The following NRF1 variants were observed in gnomAD, a reference collection of about 807,000 sequenced individuals.
NRF1 encodes the protein alpha palindromic-binding protein.
A neutral mutation model predicts 58.5 loss-of-function variants in NRF1; 5 were observed. The observed-to-expected ratio is 0.09, with a 90% CI of 0.04 to 0.18. The LOEUF (loss-of-function observed/expected upper bound fraction) is 0.18. Among genes scored for constraint, NRF1 ranks in the 10% least tolerant of loss-of-function variants. The pLI, the probability that NRF1 is intolerant of heterozygous loss-of-function variation, is 1.00. For synonymous variants in NRF1, 224 were observed against 246.7 expected (o/e 0.91, Z 0.86); for missense variants, 288 against 657.7 (o/e 0.44, Z 6.15).
At chr7:129,712,759 T>A (rs1206575100) in intron 8 of NRF1, among the ~76,000 whole-genome samples, 1 of 152,186 alleles carries the variant, frequency 6.6e-6, no homozygotes, top group Non-Finnish European at 1.5e-5. Context: ...ACTGAAAAAC[T>A]TGGTTATTGG....
rs180749236 is a variant in NRF1 at position 129,661,740 on chromosome 7, G to T, written c.223+4166G>T. Among the ~76,000 whole-genome samples the T allele has an allele frequency of 2.0e-3, 301 of 150,830 alleles. 6 individuals carry two copies. The highest frequency in any genetic ancestry group is 0.01 in the Admixed American group (157 of 15,246). ...GTTCCAAACTTTCCTACATTTTCCCGTCTTCTTTTGAGCCCTCCAAACTGT... is the reference window on the plus strand; with the variant it reads ...GTTCCAAACTTTCCTACATTTTCCCTTCTTCTTTTGAGCCCTCCAAACTGT... On this transcript the variant is annotated intron_variant, in intron 2 of 10. Transcript: ENST00000393232.
chr7:129,686,294 A>G (rs925678207), intron 4 of NRF1, among the ~76,000 whole-genome samples: 1 of 152,150 alleles, frequency 6.6e-6, no homozygotes, highest in African/African-American at 2.4e-5. Flanking sequence ...TTAGGCAGGC[A>G]CAACTTTATC....
chr7:129,637,294 G>A (rs1801188198), intron 1 of NRF1, among the ~76,000 whole-genome samples: 2 of 151,546 alleles, frequency 1.3e-5, no homozygotes, highest in Non-Finnish European at 2.9e-5. Flanking sequence ...GGAAACCCCT[G>A]CAAAAAAGCA....
At chr7:129,631,632 C>G (rs940224741) in intron 1 of NRF1, among the ~76,000 whole-genome samples, 7 of 152,148 alleles carry the variant, frequency 4.6e-5, no homozygotes, top group Non-Finnish European at 8.8e-5. Flanking sequence ...CTGGTTTTAT[C>G]ATAGCATATT....
At chr7:129,644,683 A>G (rs1404668110) in intron 1 of NRF1, among the ~76,000 whole-genome samples, 1 of 152,230 alleles carries the variant, frequency 6.6e-6, no homozygotes, top group Admixed American at 6.5e-5. Context: ...GACAGTGCTA[A>G]TCCAGAACCT....
At chr7:129,677,525 A>C (rs2151086391) in intron 3 of NRF1, 107 bp from the exon 4 acceptor site, 2 of 988,484 alleles carry the variant, frequency 2.0e-6, no homozygotes, top group Non-Finnish European at 3.0e-6. Flanking sequence ...ATTTTACGTA[A>C]AAGAGCATAT....
intron 1 of NRF1, among the ~76,000 whole-genome samples, chr7:129,640,468 C>T (rs1171602019): frequency 6.6e-6 from 1 of 152,026 alleles, no homozygotes; most frequent in Non-Finnish European, 1.5e-5. Context: ...CATGATTGCA[C>T]CACTGCACTC....
intron 1 of NRF1, among the ~76,000 whole-genome samples, chr7:129,652,733 G>A (rs1801565352): frequency 6.6e-6 from 1 of 152,144 alleles, no homozygotes; most frequent in Non-Finnish European, 1.5e-5. Flanking sequence ...TGGGACTGCA[G>A]GCGCCCGCCA....
At chr7:129,733,955 C>G (rs912698773) in intron 10 of NRF1, among the ~76,000 whole-genome samples, 2 of 151,460 alleles carry the variant, frequency 1.3e-5, no homozygotes, top group Non-Finnish European at 2.9e-5. Flanking sequence ...CCCAGGAGGT[C>G]GAGGCTGCAG....
At chr7:129,687,331 A>ATGGTGCAAATCTCAGCTCAC (rs1562970707) in intron 4 of NRF1, among the ~76,000 whole-genome samples, 1 of 151,270 alleles carries the variant, frequency 6.6e-6, no homozygotes, top group African/African-American at 2.4e-5. Flanking sequence ...CTGGAGTACA[A>ATGGTGCAAATCTCAGCTCAC]TGGTGCAAAT....
At position 129,711,590 on chromosome 7, in the gene NRF1, T is replaced by G. The variant is rs1463148981; in HGVS notation, c.1065+14T>G. 1.9e-6 allele frequency: 3 copies of G among 1,585,762 alleles called. No individual in the cohort carries two copies. The South Asian group carries it at 3.4e-5, about 18-fold the overall frequency. On this transcript the variant is annotated intron_variant, in intron 8 of 10. Transcript: ENST00000393232. The stretch of plus-strand genomic sequence containing the variant: ...GCTGATGGAGAGGTAAGAAAGAGAT[T>G]CCATCTGCATCTTCTTAAATACTTG...
chr7:129,678,240 T>G (rs1418921635), intron 4 of NRF1, among the ~76,000 whole-genome samples: 1 of 152,226 alleles, frequency 6.6e-6, no homozygotes, highest in Non-Finnish European at 1.5e-5. Context: ...TTGAACATTT[T>G]GATTGTATAA....
At chr7:129,737,579 T>G (rs1336599287) in intron 10 of NRF1, among the ~76,000 whole-genome samples, 1 of 117,350 alleles carries the variant, frequency 8.5e-6, no homozygotes, top group Non-Finnish European at 2.1e-5. Flanking sequence ...TTCCACCTTT[T>G]TCTGTGTTCC....
intron 5 of NRF1, among the ~76,000 whole-genome samples, chr7:129,701,166 G>C (rs528685651): frequency 1.3e-5 from 2 of 152,020 alleles, no homozygotes; most frequent in South Asian, 4.1e-4. Flanking sequence ...AAGATAATTA[G>C]AAAAATAAGC....
intron 1 of NRF1, among the ~76,000 whole-genome samples, chr7:129,615,414 T>G (rs1007423554): frequency 7.0e-5 from 2 of 28,610 alleles, no homozygotes; most frequent in African/African-American, 2.6e-4. Flanking sequence ...TTTAGATGTT[T>G]GTGTGTGACT....
At chr7:129,702,616 A>C (rs141781856) in intron 5 of NRF1, among the ~76,000 whole-genome samples, 48 of 152,332 alleles carry the variant, frequency 3.2e-4, no homozygotes, top group African/African-American at 1.2e-3. Flanking sequence ...TATCCATTCA[A>C]ATAAAATTGG....
chr7:129,711,333 G>T, intron 7 of NRF1, 142 bp from the exon 8 acceptor site: 1 of 584,080 alleles, frequency 1.7e-6, no homozygotes. Context: ...ATTTTAGTGA[G>T]CTATGATTTT....
intron 10 of NRF1, among the ~76,000 whole-genome samples, chr7:129,752,698 T>G (rs28623057): frequency 6.6e-6 from 1 of 151,736 alleles, no homozygotes; most frequent in Non-Finnish European, 1.5e-5. Flanking sequence ...TTTAAAAAAA[T>G]AAAAAATAAA....
chr7:129,625,338 A>G (rs189327476), intron 1 of NRF1, among the ~76,000 whole-genome samples: 23 of 152,314 alleles, frequency 1.5e-4, no homozygotes, highest in Middle Eastern at 3.4e-3. Context: ...ACAGGTGCCA[A>G]TGGTAAGCAT....
Sources: gnomAD v4.1 joint callset for allele counts (sites outside exome capture counted in the v4.1 genomes callset) on GRCh38, gnomAD v4.1.1 for gene constraint, MANE v1.5 for transcripts, NCBI Gene and HGNC (gene_info 2026-07-23, HGNC 2026-07-21) for gene names.